The following PPP1R12B variants were observed in gnomAD, a reference collection of about 807,000 sequenced individuals.
The protein encoded by PPP1R12B is protein phosphatase 1 regulatory subunit 12B.
In PPP1R12B, 76 loss-of-function variants were observed where a neutral mutation model predicts 126.1. The ratio of observed to expected loss-of-function variants is 0.60; its 90% CI spans 0.50 to 0.73. The LOEUF (loss-of-function observed/expected upper bound fraction) is 0.73. PPP1R12B is among the 30% of genes least tolerant of loss of function. PPP1R12B has a pLI of 0.00. For synonymous variants in PPP1R12B, 356 were observed against 434.7 expected (o/e 0.82, Z 2.25); for missense variants, 1,052 against 1,205.1 (o/e 0.87, Z 1.88).
At chr1:202,450,945 G>C (rs954176798) in intron 13 of PPP1R12B, among the ~76,000 whole-genome samples, 12 of 152,062 alleles carry the variant, frequency 7.9e-5, no homozygotes, top group African/African-American at 2.2e-4. Context: ...AGATTGCTTT[G>C]GGTAGTATGG....
chr1:202,529,541 C>A (rs1683714348), intron 18 of PPP1R12B, among the ~76,000 whole-genome samples: 1 of 152,090 alleles, frequency 6.6e-6, no homozygotes, highest in African/African-American at 2.4e-5. Flanking sequence ...CCTGATGGAC[C>A]ATTCAGCCTC....
chr1:202,382,889 A>G lies in PPP1R12B; in HGVS notation c.291+33747A>G, dbSNP rs544998234. Among the ~76,000 whole-genome samples the G allele has an allele frequency of 6.1e-4, 92 of 151,788 alleles. No individual in the cohort carries two copies. In the South Asian group the frequency reaches 0.011, roughly 18 times the overall value. The stretch of plus-strand genomic sequence containing the variant: ...AGACTCTGTCTCAAAAAAAAAAAAA[A>G]GGTTGACTGTGAGATGTGTATATAA... On this transcript the variant is annotated intron_variant, in intron 1 of 23. Transcript: ENST00000608999.
At chr1:202,477,998 A>G (rs1489015134) in intron 13 of PPP1R12B, among the ~76,000 whole-genome samples, 1 of 152,164 alleles carries the variant, frequency 6.6e-6, no homozygotes, top group African/African-American at 2.4e-5. Context: ...ATGAGAAGCC[A>G]TGGCTTCCAT....
Position 202,371,488 on chromosome 1 carries a change from G to C in PPP1R12B, c.291+22346G>C, listed in dbSNP as rs544449855. On this transcript the variant is annotated intron_variant, in intron 1 of 23. Coordinates refer to ENST00000608999, the MANE Select transcript of PPP1R12B (RefSeq NM_002481.4). ...TATTTATTCATTATTTGGAGTGTGT[G>C]TGTGTGTGTGTGTCTGATTTCAGTC... Among the ~76,000 whole-genome samples, 8 of 152,176 alleles carry C rather than the reference G, an allele frequency of 5.3e-5. No individual in the cohort carries two copies. The East Asian group carries it at 1.5e-3, about 29-fold the overall frequency.
At position 202,493,232 on chromosome 1, in the gene PPP1R12B, G is replaced by A. The variant is rs375200010; in HGVS notation, c.2060G>A (p.Ser687Asn). 1.2e-6 allele frequency: 2 copies of A among 1,612,886 alleles called. No homozygotes were observed. The highest frequency in any genetic ancestry group is 2.7e-5 in the African/African-American group (2 of 74,892). ...KPTDTEGLEGSPEKHEPSAVP... is the reference protein window; with the variant it reads ...KPTDTEGLEGNPEKHEPSAVP... ...ACAGACACTGAAGGGCTTGAGGGGA[G>A]CCCTGAGAAGCATGAGCCCTCAGCA... is the stretch of plus-strand genomic sequence containing the variant. Residue 687 changes from serine (S) to asparagine (N), a missense_variant, in exon 15 of 24, where the codon AGC (serine) becomes AAC (asparagine). Ser to Asn is a conservative substitution (Grantham distance 46). Transcript: ENST00000608999.
In PPP1R12B at chr1:202,531,431, C is replaced by T. The variant is rs1683936633; in HGVS notation, c.2491-27446C>T. On this transcript the variant is annotated intron_variant, in intron 18 of 23. Transcript: ENST00000608999. The stretch of plus-strand genomic sequence containing the variant: ...TTTAGTGATACAAATTTTGAGATTT[C>T]CTATAATCTCTTTGAAGACACGAAT... Among the ~76,000 whole-genome samples, 3 of 152,052 alleles carry T rather than the reference C, an allele frequency of 2.0e-5. No homozygotes were observed. In the South Asian group the frequency reaches 6.2e-4, roughly 31 times the overall value.
chr1:202,528,050 C>T (rs1683536664), intron 18 of PPP1R12B, among the ~76,000 whole-genome samples: 2 of 152,142 alleles, frequency 1.3e-5, no homozygotes, highest in Non-Finnish European at 2.9e-5. Context: ...TATTTTAATT[C>T]CAGTTGTAAT....
intron 18 of PPP1R12B, among the ~76,000 whole-genome samples, chr1:202,523,002 A>G (rs972766810): frequency 6.6e-6 from 1 of 152,242 alleles, no homozygotes; most frequent in African/African-American, 2.4e-5. Flanking sequence ...CAAAAAGTCA[A>G]AAATACTCAA....
chr1:202,415,903 A>C (rs1667998838), intron 1 of PPP1R12B, among the ~76,000 whole-genome samples: 1 of 152,126 alleles, frequency 6.6e-6, no homozygotes, highest in Non-Finnish European at 1.5e-5. Flanking sequence ...ACAACTTCCC[A>C]CTGAGAAAAA....
intron 8 of PPP1R12B, among the ~76,000 whole-genome samples, chr1:202,434,029 A>G (rs1670511218): frequency 6.6e-6 from 1 of 152,254 alleles, no homozygotes; most frequent in Non-Finnish European, 1.5e-5. Flanking sequence ...ATATAAGTGT[A>G]GTCAATAGGA....
chr1:202,440,111 C>G (rs1428262116), intron 10 of PPP1R12B, among the ~76,000 whole-genome samples: 2 of 151,974 alleles, frequency 1.3e-5, no homozygotes, highest in Non-Finnish European at 2.9e-5. Flanking sequence ...TGTATTCATT[C>G]AAGATTAGTA....
chr1:202,378,432 G>A lies in PPP1R12B; in HGVS notation c.291+29290G>A, dbSNP rs368390902. ...ATTATGCTGAAACTGCTTTCTCAAA[G>A]GTCATCGCAGACTTCCTAAATGCCA... On this transcript the variant is annotated intron_variant, in intron 1 of 23. Coordinates refer to ENST00000608999, the MANE Select transcript of PPP1R12B (RefSeq NM_002481.4). Among the ~76,000 whole-genome samples, 11 of 151,914 alleles carry A rather than the reference G, an allele frequency of 7.2e-5. No homozygotes were observed. In the South Asian group the frequency reaches 1.3e-3, roughly 17 times the overall value.
At chr1:202,531,315 A>G (rs1683922237) in intron 18 of PPP1R12B, among the ~76,000 whole-genome samples, 1 of 152,228 alleles carries the variant, frequency 6.6e-6, no homozygotes. Context: ...CTTTAAAAAT[A>G]AATTGTTTGT....
At chr1:202,549,620 G>A (rs557221541) in intron 18 of PPP1R12B, among the ~76,000 whole-genome samples, 7 of 151,916 alleles carry the variant, frequency 4.6e-5, no homozygotes, top group Admixed American at 2.0e-4. Flanking sequence ...GGGTTTCACC[G>A]TGTTAGCCAG....
At position 202,350,170 on chromosome 1, in the gene PPP1R12B, A is replaced by C. The variant is rs367774589; in HGVS notation, c.291+1028A>C. ...TAAATATATTTAGCCAATAGCTTAAAAAGTTACTTCTCACTATGTTTGCAA... is the reference window on the plus strand; with the variant it reads ...TAAATATATTTAGCCAATAGCTTAACAAGTTACTTCTCACTATGTTTGCAA... On this transcript the variant is annotated intron_variant, in intron 1 of 23. Coordinates refer to ENST00000608999, the MANE Select transcript of PPP1R12B (RefSeq NM_002481.4). 6.0e-4 allele frequency among the ~76,000 whole-genome samples: 92 copies of C among 152,362 alleles called. No homozygotes were observed. In the South Asian group the frequency reaches 0.011, roughly 18 times the overall value.
In PPP1R12B at chr1:202,442,541, C is replaced by G; in HGVS notation, c.1636C>G (p.Pro546Ala). ...AAATGAAATCCCACAGACAATTGCTCCCTCCACCTATGTATCAACTTACTT... is the reference window on the plus strand; with the variant it reads ...AAATGAAATCCCACAGACAATTGCTGCCTCCACCTATGTATCAACTTACTT... Reference protein sequence around the residue: ...KGNEIPQTIAPSTYVSTYLKR... With the variant: ...KGNEIPQTIAASTYVSTYLKR... The change falls in exon 12 of 24, where the codon CCC (proline) becomes GCC (alanine). Residue 546 changes from proline to alanine, a missense_variant. Coordinates refer to ENST00000608999, the MANE Select transcript of PPP1R12B (RefSeq NM_002481.4). 6.2e-7 allele frequency: 1 copy of G among 1,613,564 alleles called. No individual in the cohort carries two copies. The highest frequency in any genetic ancestry group is 8.5e-7 in the Non-Finnish European group (1 of 1,179,794).
At chr1:202,390,670 T>C (rs1469888310) in intron 1 of PPP1R12B, among the ~76,000 whole-genome samples, 4 of 151,744 alleles carry the variant, frequency 2.6e-5, no homozygotes, top group African/African-American at 9.7e-5. Flanking sequence ...AGCTTTTTTT[T>C]TTTTTTTTTC....
intron 13 of PPP1R12B, chr1:202,473,970 G>A (rs1362667820): frequency 1.9e-6 from 1 of 532,070 alleles, no homozygotes; most frequent in Non-Finnish European, 3.9e-6. Flanking sequence ...CTGTTTTCTT[G>A]GAGCGCTCTT....
In PPP1R12B at chr1:202,443,358, G is replaced by A. The variant is rs540996689; in HGVS notation, c.1667+786G>A. Among the ~76,000 whole-genome samples, 18 of 152,320 alleles carry A rather than the reference G, an allele frequency of 1.2e-4. No individual in the cohort carries two copies. The South Asian group carries it at 3.7e-3, about 32-fold the overall frequency. ...CTCACACCATAGCCTTCATCATTAG[G>A]TTTTTTAGATGATTGGTTGGCTACC... is the stretch of plus-strand genomic sequence containing the variant. On this transcript the variant is annotated intron_variant, in intron 12 of 23. Coordinates refer to ENST00000608999, the MANE Select transcript of PPP1R12B (RefSeq NM_002481.4).
Sources: gnomAD v4.1 joint callset for allele counts (sites outside exome capture counted in the v4.1 genomes callset) on GRCh38, gnomAD v4.1.1 for gene constraint, MANE v1.5 for transcripts, NCBI Gene and HGNC (gene_info 2026-07-23, HGNC 2026-07-21) for gene names.